Variants in CCNB2 observed in about 807,000 individuals in gnomAD.
The protein encoded by CCNB2 is G2/mitotic-specific cyclin-B2.
A neutral mutation model predicts 51.1 loss-of-function variants in CCNB2; 39 were observed. The observed-to-expected ratio is 0.76, with a 90% CI of 0.59 to 1.00. The LOEUF (loss-of-function observed/expected upper bound fraction) is 1.00, where lower values mean the gene tolerates loss of function less well. Among genes scored for constraint, CCNB2 ranks in the 50% least tolerant of loss-of-function variants. CCNB2 has a pLI of 0.00. For missense variants in CCNB2, 472 were observed against 470.3 expected (o/e 1.00, Z -0.03); for synonymous variants, 174 against 165.5 (o/e 1.05, Z -0.40).
chr15:59,120,280 C>G (rs1444319802), intron 7 of CCNB2, among the ~76,000 whole-genome samples: 1 of 152,076 alleles, frequency 6.6e-6, no homozygotes, highest in South Asian at 2.1e-4. Context: ...GAGCCTAGAA[C>G]AATTTGTGCC....
At chr15:59,119,123 C>T (rs1455410983) in intron 7 of CCNB2, among the ~76,000 whole-genome samples, 2 of 152,092 alleles carry the variant, frequency 1.3e-5, no homozygotes, top group African/African-American at 4.8e-5. Flanking sequence ...TACAGTGTAA[C>T]TTTTTTGACT....
At chr15:59,112,988 C>T (rs1358659995) in intron 3 of CCNB2, among the ~76,000 whole-genome samples, 7 of 151,496 alleles carry the variant, frequency 4.6e-5, no homozygotes, top group Admixed American at 3.3e-4. Context: ...GAGCCAAGGT[C>T]GTGCCACTGC....
intron 3 of CCNB2, among the ~76,000 whole-genome samples, chr15:59,109,961 T>G (rs186367548): frequency 1.3e-3 from 198 of 152,280 alleles, no homozygotes; most frequent in African/African-American, 4.2e-3. Context: ...CACTCCAGCC[T>G]GGGCGACAGC....
intron 7 of CCNB2, among the ~76,000 whole-genome samples, chr15:59,120,563 A>T (rs902412186): frequency 4.6e-4 from 70 of 152,120 alleles, no homozygotes; most frequent in African/African-American, 1.6e-3. Flanking sequence ...TATAGTGTAT[A>T]AAAAAAAGGA....
chr15:59,105,686 A>G (rs1423054479), intron 1 of CCNB2, among the ~76,000 whole-genome samples: 2 of 152,160 alleles, frequency 1.3e-5, no homozygotes, highest in African/African-American at 4.8e-5. Flanking sequence ...CTTGCCAACT[A>G]AGGGACCTGT....
rs1432808066 is a variant in CCNB2, at chr15:59,121,104, C to T, written c.976-2413C>T. The T allele has an allele frequency of 2.6e-5, 4 of 151,908 alleles. No individual in the cohort carries two copies. In the South Asian group the frequency reaches 6.2e-4, roughly 24 times the overall value. The allele number at this position is 151,908 out of a possible 1,614,324, so 9.4% of individuals were successfully genotyped here. ...ATGGTGTTATGGATAGGTACGAAAA[C>T]GTACTTTTTAGAATATGCTTCTGAA... On this transcript the variant is annotated intron_variant, in intron 7 of 8. Coordinates refer to ENST00000288207, the MANE Select transcript of CCNB2 (RefSeq NM_004701.4).
chr15:59,109,028 C>T (rs552971461), intron 3 of CCNB2, among the ~76,000 whole-genome samples: 305 of 152,258 alleles, frequency 2.0e-3, no homozygotes, highest in Non-Finnish European at 3.5e-3. Context: ...TCCCACATCG[C>T]AGGAGGGCGA....
At chr15:59,112,465 C>T (rs1566956060) in intron 3 of CCNB2, among the ~76,000 whole-genome samples, 1 of 151,888 alleles carries the variant, frequency 6.6e-6, no homozygotes, top group East Asian at 2.0e-4. Context: ...CTGCCTCAGC[C>T]TCCTGAGTAG....
intron 7 of CCNB2, among the ~76,000 whole-genome samples, chr15:59,122,397 G>C (rs1271582308): frequency 2.6e-5 from 4 of 151,434 alleles, no homozygotes; most frequent in African/African-American, 9.7e-5. Context: ...GGGAATTTAT[G>C]TATTTTTAGT....
At chr15:59,122,148 T>C (rs1302233028) in intron 7 of CCNB2, among the ~76,000 whole-genome samples, 1 of 151,574 alleles carries the variant, frequency 6.6e-6, no homozygotes, top group Non-Finnish European at 1.5e-5. Flanking sequence ...AATTGTGGTT[T>C]ATTTTGCCAA....
Position 59,122,241 on chromosome 15 carries a change from C to CTTTTTTTTTTTTTTTTT in CCNB2, c.976-1267_976-1251dup, listed in dbSNP as rs1162917277. Among the ~76,000 whole-genome samples the CTTTTTTTTTTTTTTTTT allele has an allele frequency of 5.6e-4, 41 of 73,006 alleles. 7 individuals are homozygous for CTTTTTTTTTTTTTTTTT. The highest frequency in any genetic ancestry group is 8.1e-4 in the African/African-American group (14 of 17,182). The allele number at this position is 73,006 out of a possible 152,430, so 47.9% of individuals were successfully genotyped here. A position where few individuals can be genotyped will look rare whatever the true frequency, so the allele number is the denominator to read the frequency against. The stretch of plus-strand genomic sequence containing the variant: ...TCTTAAATAAAGTCAGTTGACATAT[C>CTTTTTTTTTTTTTTTTT]TTTTTTTTTTTTTTTTTTTTTTTTT... On this transcript the variant is annotated intron_variant, in intron 7 of 8. Transcript: ENST00000288207.
At chr15:59,105,336 C>T (rs1162911962) in intron 1 of CCNB2, 44 bp downstream of exon 1, 4 of 1,536,300 alleles carry the variant, frequency 2.6e-6, no homozygotes, top group Middle Eastern at 1.7e-4. Context: ...GTCCGTCGGC[C>T]CCACAGCTCC....
intron 3 of CCNB2, among the ~76,000 whole-genome samples, chr15:59,113,341 T>C (rs528707768): frequency 1.3e-3 from 202 of 152,322 alleles, no homozygotes; most frequent in African/African-American, 4.8e-3. Flanking sequence ...TCAGCTCCAG[T>C]AATCTTTGAA....
chr15:59,105,557 A>G (rs1308835415), intron 1 of CCNB2, among the ~76,000 whole-genome samples: 1 of 152,144 alleles, frequency 6.6e-6, no homozygotes, highest in Non-Finnish European at 1.5e-5. Context: ...GGCGCCTGTC[A>G]AGTGAGCCCC....
intron 1 of CCNB2, among the ~76,000 whole-genome samples, chr15:59,106,386 C>G (rs1566955010): frequency 1.3e-5 from 2 of 152,144 alleles, no homozygotes; most frequent in African/African-American, 4.8e-5. Flanking sequence ...CCTTTCTGTT[C>G]AGGGAAGGCT....
Position 59,124,894 on chromosome 15 carries a change from G to C in CCNB2, c.*17G>C. On this transcript the variant is annotated 3_prime_UTR_variant, in exon 9 of 9. Transcript: ENST00000288207. ...AGGTCCTAGGCTGCCGTGGCCCCTGGGGATGTGTGCTTCATTGTGCCCTTT... is the reference window on the plus strand; with the variant it reads ...AGGTCCTAGGCTGCCGTGGCCCCTGCGGATGTGTGCTTCATTGTGCCCTTT... The C allele has an allele frequency of 6.8e-7, 1 of 1,462,374 alleles. No individual in the cohort carries two copies. Among genetic ancestry groups the C allele is most frequent in the South Asian group, 1.3e-5 (1 of 76,214 alleles). The allele number at this position is 1,462,374 out of a possible 1,614,324, so 90.6% of individuals were successfully genotyped here.
chr15:59,109,357 C>A (rs544377494), intron 3 of CCNB2, among the ~76,000 whole-genome samples: 18 of 152,070 alleles, frequency 1.2e-4, no homozygotes, highest in Non-Finnish European at 2.4e-4. Context: ...TTCTCCATAC[C>A]CAGTAGCTTT....
At chr15:59,112,351 CT>C (rs71425842) in intron 3 of CCNB2, among the ~76,000 whole-genome samples, 12 of 147,868 alleles carry the variant, frequency 8.1e-5, no homozygotes, top group East Asian at 2.0e-4. Flanking sequence ...TTAAAATTGT[CT>C]TTTTTTTTTT....
At chr15:59,110,494 G>T (rs1355574855) in intron 3 of CCNB2, among the ~76,000 whole-genome samples, 1 of 152,150 alleles carries the variant, frequency 6.6e-6, no homozygotes, top group Non-Finnish European at 1.5e-5. Context: ...CAGCCTTCTG[G>T]CTTTTACTTT....
Sources: allele counts gnomAD v4.1 joint callset (sites outside exome capture counted in the v4.1 genomes callset), GRCh38; gene constraint gnomAD v4.1.1; transcripts MANE v1.5; gene names NCBI Gene and HGNC (gene_info 2026-07-23, HGNC 2026-07-21).